GRAMD1B: variants seen among roughly 807,000 people sequenced by gnomAD.
GRAMD1B encodes GRAM domain containing 1B.
A neutral mutation model predicts 99.7 loss-of-function variants in GRAMD1B; 37 were observed. The observed-to-expected ratio is 0.37, with a 90% CI of 0.29 to 0.49. GRAMD1B has a LOEUF of 0.49. Among genes scored for constraint, GRAMD1B ranks in the 20% least tolerant of loss-of-function variants. The pLI is 0.98. For missense variants in GRAMD1B, 888 were observed against 1,009.2 expected, an observed-to-expected ratio of 0.88 and a Z score of 1.63; for synonymous variants, 427 against 387.6, an observed-to-expected ratio of 1.10 and a Z score of -1.19.
At position 123,410,513 on chromosome 11, in the gene GRAMD1B, G is replaced by T. The variant is rs541313720; in HGVS notation, c.-176+51714G>T. ...TCGGTGACTCCGATACTGCCAGGGA[G>T]TCCCACCTGCAGAATCACGGTTCTC... On this transcript the variant is annotated intron_variant, in intron 1 of 20. Coordinates refer to the GRAMD1B transcript ENST00000638157. 8.0e-4 allele frequency among the ~76,000 whole-genome samples: 121 copies of T among 152,194 alleles called. 1 individual carries two copies. Among genetic ancestry groups the T allele is most frequent in the Non-Finnish European group, 2.9e-4 (20 of 68,008 alleles).
chr11:123,606,333 G>A (rs556817675), intron 10 of GRAMD1B, among the ~76,000 whole-genome samples: 1 of 152,362 alleles, frequency 6.6e-6, no homozygotes, highest in South Asian at 2.1e-4. Flanking sequence ...GCGGCTCCAG[G>A]AAAGGGCCTG....
At chr11:123,411,768 C>A (rs1192154821) in intron 1 of GRAMD1B, among the ~76,000 whole-genome samples, 2 of 152,114 alleles carry the variant, frequency 1.3e-5, no homozygotes, top group Non-Finnish European at 2.9e-5. Flanking sequence ...CCACCTCAGC[C>A]TCTCTACTAG....
At chr11:123,573,208 C>A (rs1948353863) in intron 2 of GRAMD1B, among the ~76,000 whole-genome samples, 1 of 152,146 alleles carries the variant, frequency 6.6e-6, no homozygotes, top group Admixed American at 6.5e-5. Flanking sequence ...CAGAGGTGCA[C>A]TGGAAATGTA....
intron 2 of GRAMD1B, chr11:123,491,877 G>A (rs1291047634): frequency 1.8e-5 from 7 of 399,052 alleles, no homozygotes; most frequent in African/African-American, 8.2e-5. Flanking sequence ...GCCAGAGACC[G>A]TCTCTTGCAG....
At chr11:123,445,410 G>A (rs899794327) in intron 1 of GRAMD1B, among the ~76,000 whole-genome samples, 11 of 152,020 alleles carry the variant, frequency 7.2e-5, no homozygotes, top group Non-Finnish European at 1.6e-4. Context: ...TTCTGTACAG[G>A]GTGGAGCTTC....
intron 1 of GRAMD1B, among the ~76,000 whole-genome samples, chr11:123,398,520 CT>C (rs1323408371): frequency 6.6e-6 from 1 of 152,186 alleles, no homozygotes; most frequent in Non-Finnish European, 1.5e-5. Flanking sequence ...CCATAGCATA[CT>C]TGTATCAATT....
At chr11:123,417,133 C>T (rs926301590) in intron 1 of GRAMD1B, among the ~76,000 whole-genome samples, 7 of 151,964 alleles carry the variant, frequency 4.6e-5, no homozygotes, top group African/African-American at 1.5e-4. Context: ...CCAGCACTTT[C>T]GGAGGCCGAG....
At chr11:123,584,389 A>C in intron 4 of GRAMD1B, 57 bp downstream of exon 4, 1 of 789,846 alleles carries the variant, frequency 1.3e-6, no homozygotes, top group Non-Finnish European at 2.0e-6. Flanking sequence ...GGGGGAATGG[A>C]GGTTGGGGGA....
At chr11:123,368,275 A>AAAG (rs1555106318) in intron 1 of GRAMD1B, among the ~76,000 whole-genome samples, 2 of 127,144 alleles carry the variant, frequency 1.6e-5, no homozygotes, top group Non-Finnish European at 1.5e-5. Flanking sequence ...AAAAAAAAAA[A>AAAG]AAAGAAAGAA....
At position 123,594,857 on chromosome 11, in the gene GRAMD1B, T is replaced by G; in HGVS notation, c.873+19T>G. ...AACTCTGGTAAAGACCTGGGCATGC[T>G]CCCTTGGGCTGTCTCCTTGGCTATG... On this transcript the variant is annotated intron_variant, in intron 6 of 19. Coordinates refer to ENST00000635736, the MANE Select transcript of GRAMD1B (RefSeq NM_001387025.1). 4.4e-5 allele frequency: 55 copies of G among 1,255,122 alleles called. No individual in the cohort carries two copies. Among genetic ancestry groups the G allele is most frequent in the Non-Finnish European group, 5.9e-5 (50 of 851,958 alleles). 77.7% of individuals were successfully genotyped at this position (1,255,122 alleles called of 1,614,324 possible).
At chr11:123,517,901 G>A (rs1941825037) in intron 2 of GRAMD1B, among the ~76,000 whole-genome samples, 2 of 152,050 alleles carry the variant, frequency 1.3e-5, no homozygotes, top group South Asian at 4.2e-4. Flanking sequence ...TGGGTGTATG[G>A]GTGCCCCCTC....
At chr11:123,611,824 GA>G (rs1953621812) in intron 14 of GRAMD1B, among the ~76,000 whole-genome samples, 1 of 142,432 alleles carries the variant, frequency 7.0e-6, no homozygotes, top group Admixed American at 6.9e-5. Context: ...TGAGGAGGGG[GA>G]TGAGGCTGGG....
At chr11:123,378,526 G>A (rs1168831504) in intron 1 of GRAMD1B, among the ~76,000 whole-genome samples, 2 of 152,188 alleles carry the variant, frequency 1.3e-5, no homozygotes, top group African/African-American at 2.4e-5. Flanking sequence ...ACTTTCATGA[G>A]TATAATCTCA....
At chr11:123,414,599 C>T (rs575906905) in intron 1 of GRAMD1B, among the ~76,000 whole-genome samples, 30 of 152,244 alleles carry the variant, frequency 2.0e-4, no homozygotes, top group African/African-American at 7.2e-4. Flanking sequence ...CCCTATCCCC[C>T]TTGTCTTTGC....
At chr11:123,467,241 G>A (rs1950725458) in intron 1 of GRAMD1B, among the ~76,000 whole-genome samples, 2 of 152,110 alleles carry the variant, frequency 1.3e-5, no homozygotes, top group Admixed American at 6.5e-5. Flanking sequence ...CCAGCACTTT[G>A]GGAGGCCGAG....
In GRAMD1B at chr11:123,612,784, G is replaced by A. The variant is rs779442588; in HGVS notation, c.1943G>A (p.Arg648Gln). Residue 648 changes from arginine (R) to glutamine (Q), a missense_variant, in exon 15 of 20, where the codon CGA (arginine) becomes CAA (glutamine). Arg to Gln is a conservative substitution (Grantham distance 43, BLOSUM62 1). Around this residue, in one of 5 missense-constraint regions of GRAMD1B, gnomAD observed 92 missense variants for 156.9 expected, o/e 0.59. Transcript: ENST00000635736. ...RLRVSTELRY[R>Q]KQPWGLVKTF... The stretch of plus-strand genomic sequence containing the variant: ...AGGGTCTCCACAGAGCTGCGCTATC[G>A]AAAACAGCCCTGGGGGTTAGTGAAA... 2.5e-6 allele frequency: 4 copies of A among 1,609,754 alleles called. No individual in the cohort carries two copies. The highest frequency in any genetic ancestry group is 1.7e-5 in the Admixed American group (1 of 59,808).
intron 2 of GRAMD1B, chr11:123,560,191 G>C (rs533285377): frequency 1.2e-5 from 12 of 1,029,716 alleles, no homozygotes; most frequent in Non-Finnish European, 1.4e-5. Context: ...GCGTGTGTGC[G>C]CGTGTGCGTG....
chr11:123,497,986 C>T (rs915185163), intron 2 of GRAMD1B, among the ~76,000 whole-genome samples: 4 of 152,156 alleles, frequency 2.6e-5, no homozygotes, highest in East Asian at 1.9e-4. Context: ...TCCCCCTTCC[C>T]GGCCAGAGGA....
chr11:123,571,242 G>A (rs150427218), intron 2 of GRAMD1B, among the ~76,000 whole-genome samples: 1,685 of 152,336 alleles, frequency 0.011, 27 homozygotes, highest in African/African-American at 0.038. Context: ...CAGGGAGCTG[G>A]CTTGCTGACA....
Sources: gnomAD v4.1 joint callset for allele counts (sites outside exome capture counted in the v4.1 genomes callset) on GRCh38, gnomAD v4.1.1 for gene constraint, gnomAD v4.1.1 regional missense constraint, MANE v1.5 for transcripts, NCBI Gene and HGNC (gene_info 2026-07-23, HGNC 2026-07-21) for gene names.